CSNK1G1: variants seen among roughly 807,000 people sequenced by gnomAD.
The protein encoded by CSNK1G1 is casein kinase 1 gamma 1.
Under a neutral mutation model 59.6 loss-of-function variants are expected in CSNK1G1, and 22 were observed. The observed-to-expected ratio is 0.37, with a 90% CI of 0.26 to 0.53. CSNK1G1 has a LOEUF of 0.53. CSNK1G1 is among the 20% of genes least tolerant of loss of function. The pLI is 0.89. For missense variants in CSNK1G1, 384 were observed against 519.5 expected, an observed-to-expected ratio of 0.74 and a Z score of 2.54; for synonymous variants, 179 against 177.1, an observed-to-expected ratio of 1.01 and a Z score of -0.08.
At chr15:64,181,678 A>C (rs912730807) in intron 10 of CSNK1G1, 108 of 418,564 alleles carry the variant, frequency 2.6e-4, no homozygotes, top group Non-Finnish European at 3.4e-5. Flanking sequence ...TCTTTGGGCA[A>C]GATCCTCAGT....
intron 2 of CSNK1G1, among the ~76,000 whole-genome samples, chr15:64,267,976 A>G (rs973818607): frequency 2.6e-5 from 4 of 152,102 alleles, no homozygotes; most frequent in African/African-American, 9.7e-5. Context: ...AATAAATTTT[A>G]TTTTTTAAAT....
chr15:64,260,563 C>A (rs1458460004), intron 2 of CSNK1G1, among the ~76,000 whole-genome samples: 1 of 151,648 alleles, frequency 6.6e-6, no homozygotes, highest in Non-Finnish European at 1.5e-5. Context: ...CATGGTGAAA[C>A]CCTGTCTCTA....
chr15:64,300,479 T>C lies in CSNK1G1; in HGVS notation c.21A>G (p.Glu7=), dbSNP rs140367467. 1.1e-4 allele frequency: 178 copies of C among 1,614,160 alleles called. No homozygotes were observed. Among genetic ancestry groups the C allele is most frequent in the African/African-American group, 9.2e-4 (69 of 75,046 alleles). The part of the protein sequence containing the change: MDHPSR[E]KDERQRTTKP... ...TAGTTGTCCGTTGTCTTTCATCCTTTTCCCTACTAGGATGGTCCATGATCC... is the reference window on the plus strand; with the variant it reads ...TAGTTGTCCGTTGTCTTTCATCCTTCTCCCTACTAGGATGGTCCATGATCC... The change falls in exon 2 of 12, where the codon GAA becomes GAG. Residue 7 remains glutamate, a synonymous_variant. Coordinates refer to ENST00000303052, the MANE Select transcript of CSNK1G1 (RefSeq NM_022048.5).
chr15:64,244,140 G>A (rs1438689457), intron 4 of CSNK1G1, among the ~76,000 whole-genome samples: 2 of 152,114 alleles, frequency 1.3e-5, no homozygotes, highest in Non-Finnish European at 2.9e-5. Context: ...CTGCACTCCA[G>A]CCTGGGCGAC....
In CSNK1G1 at chr15:64,265,448, G is replaced by A. The variant is rs754470375; in HGVS notation, c.182-6207C>T. ...CAAGATCTGATGGTTTTATAAAGGGGAGTTCCCTTGCACATGCTCTCTTTG... is the reference window on the plus strand; with the variant it reads ...CAAGATCTGATGGTTTTATAAAGGGAAGTTCCCTTGCACATGCTCTCTTTG... On this transcript the variant is annotated intron_variant, in intron 2 of 11. Transcript: ENST00000303052. Among the ~76,000 whole-genome samples, 7 of 152,232 alleles carry A rather than the reference G, an allele frequency of 4.6e-5. No individual in the cohort carries two copies. In the East Asian group the frequency reaches 1.4e-3, roughly 29 times the overall value.
chr15:64,277,941 A>G (rs1893829779), intron 2 of CSNK1G1, among the ~76,000 whole-genome samples: 2 of 144,412 alleles, frequency 1.4e-5, no homozygotes, highest in South Asian at 2.1e-4. Flanking sequence ...TTAATAATAT[A>G]TTAATATTGA....
intron 1 of CSNK1G1, among the ~76,000 whole-genome samples, chr15:64,327,116 C>G (rs1896890300): frequency 1.3e-5 from 2 of 152,148 alleles, no homozygotes; most frequent in African/African-American, 4.8e-5. Context: ...CGCCATTGCC[C>G]AGGCTTGCTT....
In CSNK1G1 at chr15:64,313,600, G is replaced by C. The variant is rs564701940; in HGVS notation, c.-224-12877C>G. ...GAACATCACACACTGGGGCCTGTTG[G>C]GGGGTGTGGGGCTAGGGTAGGGATA... On this transcript the variant is annotated intron_variant, in intron 1 of 11. Coordinates refer to ENST00000303052, the MANE Select transcript of CSNK1G1 (RefSeq NM_022048.5). Among the ~76,000 whole-genome samples, 19 of 152,144 alleles carry C rather than the reference G, an allele frequency of 1.2e-4. No individual in the cohort carries two copies. The South Asian group carries it at 1.7e-3, about 13-fold the overall frequency.
intron 11 of CSNK1G1, among the ~76,000 whole-genome samples, chr15:64,174,176 A>G (rs1435688873): frequency 6.6e-6 from 1 of 152,208 alleles, no homozygotes; most frequent in Non-Finnish European, 1.5e-5. Context: ...TCCATTTCAA[A>G]TTGTACAATG....
intron 1 of CSNK1G1, among the ~76,000 whole-genome samples, chr15:64,330,480 T>A (rs1454659600): frequency 0.037 from 5,258 of 141,364 alleles, 309 homozygotes; most frequent in African/African-American, 0.13. Context: ...CAACAACCCT[T>A]CATGCTAAAA....
intron 11 of CSNK1G1, among the ~76,000 whole-genome samples, chr15:64,177,201 G>T (rs1457406277): frequency 6.6e-6 from 1 of 152,162 alleles, no homozygotes; most frequent in African/African-American, 2.4e-5. Context: ...TGAAAGTGAA[G>T]GTTTCACATG....
At chr15:64,275,366 TA>T (rs917728613) in intron 2 of CSNK1G1, among the ~76,000 whole-genome samples, 73 of 152,194 alleles carry the variant, frequency 4.8e-4, no homozygotes, top group African/African-American at 1.7e-3. Flanking sequence ...GCAGTATGAT[TA>T]GGGGTAAGAA....
chr15:64,183,924 A>G (rs2081854245), intron 10 of CSNK1G1, among the ~76,000 whole-genome samples: 1 of 152,032 alleles, frequency 6.6e-6, no homozygotes, highest in Non-Finnish European at 1.5e-5. Flanking sequence ...TTTAGTAGAA[A>G]TGGGGTTTCA....
Position 64,204,968 on chromosome 15 carries a change from G to A in CSNK1G1, c.766-19C>T. 6.9e-7 allele frequency: 1 copy of A among 1,454,434 alleles called. No individual in the cohort carries two copies. The highest frequency in any genetic ancestry group is 9.6e-7 in the Non-Finnish European group (1 of 1,045,890). 90.1% of individuals were successfully genotyped at this position (1,454,434 alleles called of 1,614,324 possible). A position where few individuals can be genotyped will look rare whatever the true frequency, so the allele number is the denominator to read the frequency against. ...TGTCAGCCTGTAGAGAGTAAAGAGAGAAAGTTACTTTAAAAGAGGGCCTAA... is the reference window on the plus strand; with the variant it reads ...TGTCAGCCTGTAGAGAGTAAAGAGAAAAAGTTACTTTAAAAGAGGGCCTAA... On this transcript the variant is annotated intron_variant, in intron 7 of 11. Coordinates refer to ENST00000303052, the MANE Select transcript of CSNK1G1 (RefSeq NM_022048.5).
At chr15:64,228,502 G>A (rs1359014050) in intron 4 of CSNK1G1, among the ~76,000 whole-genome samples, 1 of 152,124 alleles carries the variant, frequency 6.6e-6, no homozygotes, top group Non-Finnish European at 1.5e-5. Context: ...TGGGCGTGGT[G>A]GCGCACGCCT....
chr15:64,254,091 G>T (rs1288089726), intron 3 of CSNK1G1, among the ~76,000 whole-genome samples: 1 of 152,116 alleles, frequency 6.6e-6, no homozygotes, highest in African/African-American at 2.4e-5. Context: ...AGCAAGCCTA[G>T]ATCGCACCAC....
intron 7 of CSNK1G1, among the ~76,000 whole-genome samples, chr15:64,205,362 A>G (rs748662281): frequency 1.1e-4 from 16 of 152,262 alleles, no homozygotes; most frequent in Non-Finnish European, 2.2e-4. Flanking sequence ...GGGGAAACAG[A>G]TAAGTAATTC....
intron 1 of CSNK1G1, among the ~76,000 whole-genome samples, chr15:64,320,408 G>C (rs1450453349): frequency 2.6e-5 from 4 of 152,086 alleles, no homozygotes. Context: ...GCCGGGCACA[G>C]TGGCTCACGC....
rs534373253 is a variant in CSNK1G1 at position 64,188,737 on chromosome 15, G to C, written c.1108-8283C>G. Among the ~76,000 whole-genome samples, 9 of 141,218 alleles carry C rather than the reference G, an allele frequency of 6.4e-5. 1 individual carries two copies. Among genetic ancestry groups the C allele is most frequent in the African/African-American group, 1.9e-4 (8 of 41,358 alleles). 92.6% of individuals were successfully genotyped at this position (141,218 alleles called of 152,430 possible). ...ACCAGAAAACCAATAACGACCAAAAGAGGAGGGAGGGGGAAAAAACACACA... is the reference window on the plus strand; with the variant it reads ...ACCAGAAAACCAATAACGACCAAAACAGGAGGGAGGGGGAAAAAACACACA... On this transcript the variant is annotated intron_variant, in intron 10 of 11. Coordinates refer to ENST00000303052, the MANE Select transcript of CSNK1G1 (RefSeq NM_022048.5). The surrounding 1 kb of genome is among the most constrained non-coding windows in gnomAD (Gnocchi z 4.2).
Sources: allele counts gnomAD v4.1 joint callset (sites outside exome capture counted in the v4.1 genomes callset), GRCh38; gene constraint gnomAD v4.1.1; non-coding constraint Gnocchi (gnomAD v3.1); transcripts MANE v1.5; gene names NCBI Gene and HGNC (gene_info 2026-07-23, HGNC 2026-07-21).